PRPF4: variants seen among roughly 807,000 people sequenced by gnomAD.
PRPF4 encodes U4/U6 small nuclear ribonucleoprotein Prp4.
Under a neutral mutation model 72.2 loss-of-function variants are expected in PRPF4, and 14 were observed. The observed-to-expected ratio is 0.19, with a 90% CI of 0.13 to 0.30. PRPF4 has a LOEUF of 0.30. Ranked by LOEUF, PRPF4 falls within the 10% of genes least tolerant of loss-of-function variation. The pLI is 1.00. For missense variants in PRPF4, 478 were observed against 653.9 expected (o/e 0.73, Z 2.93); for synonymous variants, 225 against 232.2 (o/e 0.97, Z 0.28).
At position 113,286,238 on chromosome 9, in the gene PRPF4, G is replaced by A. The variant is rs373387813; in HGVS notation, c.756G>A (p.Gly252=). 1.9e-6 allele frequency: 3 copies of A among 1,613,978 alleles called. No individual in the cohort carries two copies. The highest frequency in any genetic ancestry group is 2.2e-5 in the South Asian group (2 of 91,088). ...TTTCCTTTGTATTTGATAGGAGTGG[G>A]CTTTGCAAGCTCTGGTCTGTTCCTG... ...SKMLATACWS[G]LCKLWSVPDC... Residue 252 remains glycine (G), a synonymous_variant, in exon 8 of 14, where the codon GGG becomes GGA. Transcript: ENST00000374198.
chr9:113,277,971 A>G (rs1441200755), intron 2 of PRPF4, among the ~76,000 whole-genome samples: 3 of 152,100 alleles, frequency 2.0e-5, no homozygotes, highest in Admixed American at 2.0e-4. Flanking sequence ...ACAGAGCGAG[A>G]CCCTGTCTCA....
rs755480743 is a variant in PRPF4, at chr9:113,291,631, A to G, written c.1537A>G (p.Arg513Gly). ...GCTCATAGCCACTTGCTCATATGAC[A>G]GGACCTTCAAGCTGTGGATGGCTGA... is the stretch of plus-strand genomic sequence containing the variant. ...GQLIATCSYD[R>G]TFKLWMAE The change falls in exon 14 of 14, where the codon AGG (arginine) becomes GGG (glycine). Residue 513 changes from arginine (R) to glycine (G), a missense_variant. Coordinates refer to ENST00000374198, the MANE Select transcript of PRPF4 (RefSeq NM_001244926.2). 6.2e-7 allele frequency: 1 copy of G among 1,614,224 alleles called. No homozygotes were observed. The highest frequency in any genetic ancestry group is 8.5e-7 in the Non-Finnish European group (1 of 1,180,038).
chr9:113,282,782 G>A (rs533681562), intron 4 of PRPF4, 49 bp downstream of exon 4: 3 of 1,416,042 alleles, frequency 2.1e-6, no homozygotes, highest in East Asian at 4.6e-5. Context: ...GAAATGAGGG[G>A]ATAGGTCTCT....
At chr9:113,280,323 C>T (rs900983136) in intron 3 of PRPF4, among the ~76,000 whole-genome samples, 2 of 152,048 alleles carry the variant, frequency 1.3e-5, no homozygotes, top group Non-Finnish European at 2.9e-5. Flanking sequence ...CTCTACTTGC[C>T]CTTGGTGATC....
intron 1 of PRPF4, among the ~76,000 whole-genome samples, chr9:113,276,069 G>GTGTTTTTT (rs1832084844): frequency 1.3e-5 from 2 of 152,196 alleles, no homozygotes; most frequent in Non-Finnish European, 2.9e-5. Context: ...TTATGCCTTT[G>GTGTTTTTT]GCAGATCTCA....
chr9:113,276,821 A>ATTTT, intron 2 of PRPF4, 96 bp downstream of exon 2: 1 of 1,087,380 alleles, frequency 9.2e-7, no homozygotes, highest in Non-Finnish European at 1.3e-6. Flanking sequence ...AAAAATTACA[A>ATTTT]TTTTTTTTTT....
intron 3 of PRPF4, 46 bp downstream of exon 3, chr9:113,279,177 G>T (rs747250506): frequency 6.6e-7 from 1 of 1,522,858 alleles, no homozygotes; most frequent in South Asian, 1.2e-5. Flanking sequence ...ATAATCACAG[G>T]GTTCTACTCC....
chr9:113,280,091 A>G (rs1214870393), intron 3 of PRPF4, among the ~76,000 whole-genome samples: 1 of 152,118 alleles, frequency 6.6e-6, no homozygotes, highest in Admixed American at 6.5e-5. Flanking sequence ...CTACCACATT[A>G]AAATTGCTCT....
At chr9:113,286,361 T>C in intron 8 of PRPF4, 71 bp downstream of exon 8, 1 of 1,365,410 alleles carries the variant, frequency 7.3e-7, no homozygotes, top group Non-Finnish European at 1.0e-6. Flanking sequence ...AAACTCTGCT[T>C]GACACTCAGA....
intron 11 of PRPF4, 54 bp from the exon 12 acceptor site, chr9:113,290,646 C>G: frequency 6.2e-7 from 1 of 1,614,092 alleles, no homozygotes; most frequent in Non-Finnish European, 8.5e-7. Flanking sequence ...TTACCTATAC[C>G]TGCTTCCACA....
intron 7 of PRPF4, among the ~76,000 whole-genome samples, chr9:113,285,821 C>T (rs1211220162): frequency 6.6e-6 from 1 of 152,006 alleles, no homozygotes; most frequent in Non-Finnish European, 1.5e-5. Context: ...ACTGTGATCA[C>T]ACTACTGCAC....
chr9:113,279,121 A>G lies in PRPF4; in HGVS notation c.382A>G (p.Arg128Gly), dbSNP rs1832196347. ...ITLFGEGPAE[R>G]RERLRNILSV... Reference sequence around the variant, plus strand: ...ACTTTTTGGAGAGGGTCCTGCTGAAAGAAGAGAAAGGTTGCCTTTCTAAAT... The same window carrying G: ...ACTTTTTGGAGAGGGTCCTGCTGAAGGAAGAGAAAGGTTGCCTTTCTAAAT... Residue 128 changes from arginine (R) to glycine (G), a missense_variant, in exon 3 of 14, where the codon AGA becomes GGA. Transcript: ENST00000374198. The G allele has an allele frequency of 6.2e-7, 1 of 1,607,630 alleles. No individual in the cohort carries two copies. The highest frequency in any genetic ancestry group is 8.5e-7 in the Non-Finnish European group (1 of 1,177,212).
At position 113,285,584 on chromosome 9, in the gene PRPF4, T is replaced by C. The variant is rs577690413; in HGVS notation, c.750-648T>C. On this transcript the variant is annotated intron_variant, in intron 7 of 13. Transcript: ENST00000374198. ...TAGTAGAGACAGGGTTTCACCGTGT[T>C]AGCCAGGATGGGCTCGATCTCCTGA... 9.5e-4 allele frequency among the ~76,000 whole-genome samples: 144 copies of C among 151,612 alleles called. 1 individual carries two copies. The highest frequency in any genetic ancestry group is 2.6e-3 in the African/African-American group (108 of 41,336).
At chr9:113,287,240 T>C (rs562815434) in intron 9 of PRPF4, among the ~76,000 whole-genome samples, 26 of 152,224 alleles carry the variant, frequency 1.7e-4, no homozygotes, top group Middle Eastern at 3.2e-3. Flanking sequence ...TGACCACTAT[T>C]TCCTAGCTCC....
At chr9:113,287,640 C>G (rs868098126) in intron 9 of PRPF4, among the ~76,000 whole-genome samples, 1 of 152,236 alleles carries the variant, frequency 6.6e-6, no homozygotes. Context: ...CAGGGTCTCA[C>G]TTAGGAGCGC....
chr9:113,280,320 T>C (rs956546510), intron 3 of PRPF4, among the ~76,000 whole-genome samples: 13 of 152,338 alleles, frequency 8.5e-5, no homozygotes, highest in African/African-American at 3.1e-4. Flanking sequence ...TTTCTCTACT[T>C]GCCCTTGGTG....
chr9:113,278,862 G>A (rs1832190038), intron 2 of PRPF4, 83 bp from the exon 3 acceptor site: 7 of 1,364,218 alleles, frequency 5.1e-6, no homozygotes, highest in Non-Finnish European at 7.3e-6. Flanking sequence ...TTCCCTCAGG[G>A]CATACACAGA....
At chr9:113,286,370 G>T in intron 8 of PRPF4, 80 bp downstream of exon 8, 1 of 1,277,330 alleles carries the variant, frequency 7.8e-7, no homozygotes, top group South Asian at 1.2e-5. Context: ...TTGACACTCA[G>T]ACCCCATACA....
intron 3 of PRPF4, 105 bp downstream of exon 3, chr9:113,279,236 A>G: frequency 9.6e-7 from 1 of 1,041,012 alleles, no homozygotes; most frequent in Non-Finnish European, 1.4e-6. Flanking sequence ...GTCTCAAATC[A>G]TGTTAACAAT....
Sources: gnomAD v4.1 joint callset for allele counts (sites outside exome capture counted in the v4.1 genomes callset) on GRCh38, gnomAD v4.1.1 for gene constraint, MANE v1.5 for transcripts, NCBI Gene and HGNC (gene_info 2026-07-23, HGNC 2026-07-21) for gene names.